YWHAZ: variants seen among roughly 807,000 people sequenced by gnomAD.
YWHAZ encodes 14-3-3 protein zeta/delta.
For missense variants in YWHAZ, 79 were observed against 284.8 expected, an observed-to-expected ratio of 0.28 and a Z score of 5.20; for synonymous variants, 87 against 103.6, an observed-to-expected ratio of 0.84 and a Z score of 0.97.
At chr8:100,944,933 CTTCT>C (rs1388137453) in intron 2 of YWHAZ, among the ~76,000 whole-genome samples, 2 of 152,194 alleles carry the variant, frequency 1.3e-5, no homozygotes, top group Non-Finnish European at 1.5e-5. Context: ...CCTCGACATA[CTTCT>C]TTGAGTTTGA....
At chr8:100,925,153 C>T (rs546367918) in intron 2 of YWHAZ, 114 bp from the exon 3 acceptor site, 2 of 1,097,668 alleles carry the variant, frequency 1.8e-6, no homozygotes, top group South Asian at 1.7e-5. Context: ...AACACCCAGT[C>T]ACTGTCAATA....
intron 2 of YWHAZ, among the ~76,000 whole-genome samples, chr8:100,941,679 G>C (rs1318038452): frequency 6.6e-6 from 1 of 152,076 alleles, no homozygotes; most frequent in Non-Finnish European, 1.5e-5. Context: ...CAGCTACCTG[G>C]GAGGCTGAGG....
chr8:100,951,055 C>T lies in YWHAZ; in HGVS notation c.-12+874G>A, dbSNP rs1269879604. ...CAGCCCCCGTCCACACCTCCCCCGC[C>T]CGTTCACAAGGAGCAAAAAAAGTCA... On this transcript the variant is annotated intron_variant, in intron 1 of 5. Transcript: ENST00000395958. 3 of 605,922 alleles carry T rather than the reference C, an allele frequency of 5.0e-6. No individual in the cohort carries two copies. In the African/African-American group the frequency reaches 6.0e-5, roughly 12 times the overall value. 37.5% of individuals were successfully genotyped at this position (605,922 alleles called of 1,614,324 possible).
chr8:100,929,991 G>A (rs896891114), intron 2 of YWHAZ, among the ~76,000 whole-genome samples: 3 of 152,236 alleles, frequency 2.0e-5, no homozygotes, highest in African/African-American at 4.8e-5. Flanking sequence ...CCTAAATTTC[G>A]TTCACCTACA....
chr8:100,927,283 G>A (rs886235891), intron 2 of YWHAZ, among the ~76,000 whole-genome samples: 5 of 152,158 alleles, frequency 3.3e-5, no homozygotes, highest in African/African-American at 9.7e-5. Context: ...AACACTTTGG[G>A]AGGCTGAGGT....
chr8:100,952,970 G>A, upstream of YWHAZ: 3 of 1,000,686 alleles, frequency 3.0e-6, no homozygotes, highest in African/African-American at 3.5e-5. Flanking sequence ...CGGGATCTGC[G>A]CTCGGTGACT....
rs566972162 is a variant in YWHAZ at position 100,951,193 on chromosome 8, T to G, written c.-12+736A>C. On this transcript the variant is annotated intron_variant, in intron 1 of 5. Transcript: ENST00000395958. Reference sequence around the variant, plus strand: ...CCCACCCCAAAACCTCACCCCGCAGTGGACTCCCCTCCCGCCGGCGCGCAG... The same window carrying G: ...CCCACCCCAAAACCTCACCCCGCAGGGGACTCCCCTCCCGCCGGCGCGCAG... 1.0e-4 allele frequency: 101 copies of G among 984,654 alleles called. 2 individuals are homozygous for G. The African/African-American group carries it at 1.7e-3, about 16-fold the overall frequency. 61.0% of individuals were successfully genotyped at this position (984,654 alleles called of 1,614,324 possible).
intron 5 of YWHAZ, among the ~76,000 whole-genome samples, chr8:100,921,461 G>A (rs1043530280): frequency 6.6e-6 from 1 of 152,112 alleles, no homozygotes; most frequent in Non-Finnish European, 1.5e-5. Flanking sequence ...AAGGAGCTAG[G>A]GTTGACTACT....
chr8:100,952,897 G>A (rs1810905391), upstream of YWHAZ: 1 of 1,000,250 alleles, frequency 1.0e-6, no homozygotes, highest in African/African-American at 1.7e-5. Context: ...GCTCGGAAAC[G>A]GGAGTGAGGC....
intron 2 of YWHAZ, among the ~76,000 whole-genome samples, chr8:100,946,885 C>CAAAA (rs145007143): frequency 4.1e-5 from 3 of 73,118 alleles, no homozygotes; most frequent in African/African-American, 1.5e-4. Context: ...GTAAGGTGAG[C>CAAAA]AAAAAAAAAA....
At chr8:100,951,465 T>A (rs1405644037) in intron 1 of YWHAZ, 1 of 977,582 alleles carries the variant, frequency 1.0e-6, no homozygotes, top group Non-Finnish European at 1.2e-6. Context: ...CCTGCGCCAC[T>A]GCGATGCCCG....
chr8:100,925,159 C>A, intron 2 of YWHAZ, 120 bp from the exon 3 acceptor site: 1 of 1,064,892 alleles, frequency 9.4e-7, no homozygotes, highest in Non-Finnish European at 1.3e-6. Flanking sequence ...CAGTCACTGT[C>A]AATACAATTG....
chr8:100,949,069 G>GA (rs1351996662), intron 1 of YWHAZ, among the ~76,000 whole-genome samples, 169 bp from the exon 2 acceptor site: 3 of 152,040 alleles, frequency 2.0e-5, no homozygotes, highest in Non-Finnish European at 4.4e-5. Flanking sequence ...TCAAAAAAGG[G>GA]AAAAAAATTT....
rs1251861514 is a variant in YWHAZ at position 100,948,029 on chromosome 8, T to C, written c.294+567A>G. 7.2e-7 allele frequency: 1 copy of C among 1,389,902 alleles called. No homozygotes were observed. The highest frequency in any genetic ancestry group is 1.3e-5 in the South Asian group (1 of 78,178). 86.1% of individuals were successfully genotyped at this position (1,389,902 alleles called of 1,614,324 possible). A position where few individuals can be genotyped will look rare whatever the true frequency, so the allele number is the denominator to read the frequency against. On this transcript the variant is annotated intron_variant, in intron 2 of 5. Coordinates refer to ENST00000395958, the MANE Select transcript of YWHAZ (RefSeq NM_145690.3). This position sits in a 1 kb window ranked among gnomAD's most constrained non-coding sequence, Gnocchi z 4.2. ...TCGATTCAAACTGGAAAATCAAGCT[T>C]GAGTTGTTCATAACCTTTCATCATG...
intron 2 of YWHAZ, among the ~76,000 whole-genome samples, chr8:100,932,410 C>T (rs942571365): frequency 6.6e-6 from 1 of 152,116 alleles, no homozygotes; most frequent in Non-Finnish European, 1.5e-5. Flanking sequence ...TACATATATA[C>T]TACCTCTATA....
At chr8:100,926,940 G>A (rs552598517) in intron 2 of YWHAZ, among the ~76,000 whole-genome samples, 162 of 152,274 alleles carry the variant, frequency 1.1e-3, no homozygotes, top group African/African-American at 3.7e-3. Context: ...TCAACTATGG[G>A]AGATGGTATA....
At chr8:100,929,865 AG>A (rs1307083357) in intron 2 of YWHAZ, among the ~76,000 whole-genome samples, 1 of 152,214 alleles carries the variant, frequency 6.6e-6, no homozygotes, top group Non-Finnish European at 1.5e-5. Flanking sequence ...ACAACAAAGC[AG>A]AAAAAAACAT....
At chr8:100,938,836 A>T (rs1563682081) in intron 2 of YWHAZ, among the ~76,000 whole-genome samples, 1 of 152,214 alleles carries the variant, frequency 6.6e-6, no homozygotes, top group Non-Finnish European at 1.5e-5. Context: ...CTCCACCAGA[A>T]ATGCTAATGA....
At chr8:100,920,794 A>ATGG (rs1554612411) in intron 5 of YWHAZ, 42 bp from the exon 6 acceptor site, 1 of 49,072 alleles carries the variant, frequency 2.0e-5, no homozygotes, top group Non-Finnish European at 4.4e-5. Context: ...TTTCAGTGGG[A>ATGG]TGGGGGGGGG....
Sources: allele counts gnomAD v4.1 joint callset (sites outside exome capture counted in the v4.1 genomes callset), GRCh38; gene constraint gnomAD v4.1.1; non-coding constraint Gnocchi (gnomAD v3.1); transcripts MANE v1.5; gene names NCBI Gene and HGNC (gene_info 2026-07-23, HGNC 2026-07-21).